CNTN4: variants seen among roughly 807,000 people sequenced by gnomAD.
The protein encoded by CNTN4 is contactin 4.
CNTN4 carries 77 observed loss-of-function variants against 122.5 expected under a neutral mutation model. The observed-to-expected ratio is 0.63, with a 90% CI of 0.52 to 0.76. The LOEUF (loss-of-function observed/expected upper bound fraction) is 0.76, where lower values mean the gene tolerates loss of function less well. CNTN4 is among the 30% of genes least tolerant of loss of function. CNTN4 has a pLI of 0.00. For synonymous variants in CNTN4, 512 were observed against 447.0 expected, an observed-to-expected ratio of 1.15 and a Z score of -1.83; for missense variants, 1,256 against 1,259.1, an observed-to-expected ratio of 1.00 and a Z score of 0.04.
chr3:2,415,222 C>T (rs1206771410), intron 3 of CNTN4, among the ~76,000 whole-genome samples: 1 of 152,152 alleles, frequency 6.6e-6, no homozygotes, highest in Non-Finnish European at 1.5e-5. Context: ...TATGTGGCTC[C>T]TCGCTTTAGC....
At chr3:2,133,865 T>A (rs556013129) in intron 2 of CNTN4, among the ~76,000 whole-genome samples, 1 of 152,296 alleles carries the variant, frequency 6.6e-6, no homozygotes, top group Non-Finnish European at 1.5e-5. Context: ...TTATTAAGAG[T>A]CATTTTCCAG....
intron 4 of CNTN4, among the ~76,000 whole-genome samples, chr3:2,652,664 A>T (rs1013693344): frequency 6.6e-6 from 1 of 152,270 alleles, no homozygotes; most frequent in Non-Finnish European, 1.5e-5. Flanking sequence ...GACTTGTCCA[A>T]TGAGATGAGA....
intron 4 of CNTN4, among the ~76,000 whole-genome samples, chr3:2,601,874 C>A (rs1276377158): frequency 6.6e-6 from 1 of 152,130 alleles, no homozygotes; most frequent in African/African-American, 2.4e-5. Context: ...TCCAGCAGCA[C>A]ATCAAAAAGC....
intron 2 of CNTN4, among the ~76,000 whole-genome samples, chr3:2,187,680 G>T (rs116680970): frequency 1.3e-5 from 2 of 152,094 alleles, no homozygotes. Flanking sequence ...TGTATTTACC[G>T]TCTGCCCTAA....
rs546151549 is a variant in CNTN4, at chr3:2,290,244, A to G, written c.-144-48934A>G. Among the ~76,000 whole-genome samples the G allele has an allele frequency of 2.6e-5, 4 of 152,306 alleles. No individual in the cohort carries two copies. The East Asian group carries it at 7.7e-4, about 29-fold the overall frequency. ...TAGAATTGTCCTGGCTTACATTTCA[A>G]AGAGAGCTTCCGGGCCATAATGCAG... On this transcript the variant is annotated intron_variant, in intron 2 of 24. Coordinates refer to ENST00000418658, the MANE Select transcript of CNTN4 (RefSeq NM_175607.3).
chr3:2,561,692 A>G (rs1039377155), intron 3 of CNTN4, among the ~76,000 whole-genome samples: 1 of 152,154 alleles, frequency 6.6e-6, no homozygotes, highest in Non-Finnish European at 1.5e-5. Context: ...ATGAAAGAGG[A>G]AAGTGAGGCT....
intron 3 of CNTN4, 93 bp downstream of exon 3, chr3:2,339,326 C>G (rs1347407575): frequency 6.6e-6 from 1 of 152,036 alleles, no homozygotes; most frequent in Non-Finnish European, 1.5e-5. Context: ...CCTTCCCTTA[C>G]AGAGTGATAG....
intron 2 of CNTN4, among the ~76,000 whole-genome samples, chr3:2,111,106 A>C (rs2032918786): frequency 6.6e-6 from 1 of 152,190 alleles, no homozygotes; most frequent in African/African-American, 2.4e-5. Flanking sequence ...GTCTAACTCA[A>C]AAGCCTTAGT....
chr3:2,840,647 C>T lies in CNTN4; in HGVS notation c.454+21066C>T, dbSNP rs1188054976. ...CCGGGAGGCGGAGCTTGCAGTGAGC[C>T]AAGATCACACCACTGCACTCCAGCC... On this transcript the variant is annotated intron_variant, in intron 7 of 24. Transcript: ENST00000418658. Among the ~76,000 whole-genome samples the T allele has an allele frequency of 1.0e-3, 143 of 141,074 alleles. 5 individuals are homozygous for T. In the South Asian group the frequency reaches 0.027, roughly 27 times the overall value. 92.6% of individuals were successfully genotyped at this position (141,074 alleles called of 152,430 possible).
At chr3:2,236,023 C>G (rs944957023) in intron 2 of CNTN4, among the ~76,000 whole-genome samples, 5 of 152,080 alleles carry the variant, frequency 3.3e-5, no homozygotes, top group African/African-American at 1.2e-4. Context: ...GAGAAGGGTT[C>G]AGGAAATTGA....
At chr3:2,800,094 T>TC (rs397711705) in intron 6 of CNTN4, among the ~76,000 whole-genome samples, 3 of 150,374 alleles carry the variant, frequency 2.0e-5, no homozygotes, top group African/African-American at 7.3e-5. Context: ...TTTTTTTTTT[T>TC]GCTTAAGATT....
chr3:2,867,497 T>C (rs2093737050), intron 8 of CNTN4, among the ~76,000 whole-genome samples: 1 of 152,168 alleles, frequency 6.6e-6, no homozygotes, highest in South Asian at 2.1e-4. Context: ...GACTTAACAA[T>C]GTGTAGTAAA....
At chr3:2,320,405 T>C (rs2043239388) in intron 2 of CNTN4, among the ~76,000 whole-genome samples, 1 of 152,162 alleles carries the variant, frequency 6.6e-6, no homozygotes, top group Non-Finnish European at 1.5e-5. Context: ...CCTAAATTTG[T>C]GATTTTTATT....
chr3:2,745,940 A>C (rs1309646097), intron 6 of CNTN4, among the ~76,000 whole-genome samples: 1 of 152,184 alleles, frequency 6.6e-6, no homozygotes, highest in East Asian at 1.9e-4. Context: ...ATTTGATTAT[A>C]TGATGCTTTC....
At chr3:2,407,179 T>C (rs2047068608) in intron 3 of CNTN4, among the ~76,000 whole-genome samples, 1 of 152,168 alleles carries the variant, frequency 6.6e-6, no homozygotes, top group Non-Finnish European at 1.5e-5. Flanking sequence ...CAGGAATAAA[T>C]GTTTGATTAA....
intron 3 of CNTN4, among the ~76,000 whole-genome samples, chr3:2,488,416 T>C (rs750088683): frequency 7.2e-5 from 11 of 152,116 alleles, no homozygotes; most frequent in Non-Finnish European, 1.5e-4. Context: ...GTTTGGTAAA[T>C]TGGTGTGTCT....
intron 2 of CNTN4, among the ~76,000 whole-genome samples, chr3:2,250,335 G>A (rs1523320): frequency 0.57 from 86,732 of 151,564 alleles, 24,968 homozygotes; most frequent in South Asian, 0.68. Context: ...ACTCAGTGTT[G>A]TTTCTCCTAC....
At chr3:2,953,129 C>CTTGA (rs1278503017) in intron 13 of CNTN4, among the ~76,000 whole-genome samples, 1 of 152,156 alleles carries the variant, frequency 6.6e-6, no homozygotes, top group African/African-American at 2.4e-5. Flanking sequence ...AAGCATCTTG[C>CTTGA]TTGATCTCAA....
intron 6 of CNTN4, among the ~76,000 whole-genome samples, chr3:2,779,100 C>G (rs1044746837): frequency 2.0e-5 from 3 of 152,148 alleles, no homozygotes; most frequent in Non-Finnish European, 4.4e-5. Context: ...AAAGCATTTT[C>G]AGGAAGCAAG....
Sources: gnomAD v4.1 joint callset for allele counts (sites outside exome capture counted in the v4.1 genomes callset) on GRCh38, gnomAD v4.1.1 for gene constraint, MANE v1.5 for transcripts, NCBI Gene and HGNC (gene_info 2026-07-23, HGNC 2026-07-21) for gene names.